The following RNF24 variants were observed in gnomAD, a reference collection of about 807,000 sequenced individuals.
RNF24 encodes the protein ring finger protein 24.
In RNF24, 14 loss-of-function variants were observed where a neutral mutation model predicts 20.0. The observed-to-expected ratio is 0.70, with a 90% CI of 0.46 to 1.10. The LOEUF is 1.10. Ranked by LOEUF, RNF24 falls within the 50% of genes least tolerant of loss-of-function variation. The pLI, the probability that RNF24 is intolerant of heterozygous loss-of-function variation, is 0.00. For missense variants in RNF24, 124 were observed against 177.6 expected (o/e 0.70, Z 1.71); for synonymous variants, 45 against 61.1 (o/e 0.74, Z 1.23).
intron 1 of RNF24, among the ~76,000 whole-genome samples, chr20:3,983,822 TC>T (rs1979636575): frequency 1.3e-5 from 2 of 150,146 alleles, no homozygotes; most frequent in Non-Finnish European, 1.5e-5. Context: ...GCACCTGTAG[TC>T]CCAACTACTT....
At chr20:3,948,185 GT>G in intron 3 of RNF24, 51 bp downstream of exon 3, 1 of 1,384,810 alleles carries the variant, frequency 7.2e-7, no homozygotes, top group Non-Finnish European at 1.0e-6. Context: ...AGAGTTCTCA[GT>G]TTTTTGGGGG....
chr20:3,979,548 G>A (rs1979207736), intron 1 of RNF24, among the ~76,000 whole-genome samples: 1 of 152,076 alleles, frequency 6.6e-6, no homozygotes, highest in Non-Finnish European at 1.5e-5. Flanking sequence ...GGTGGTGGGT[G>A]CCTGTAATCT....
At chr20:3,989,140 G>T (rs567327253) in intron 1 of RNF24, among the ~76,000 whole-genome samples, 1 of 152,204 alleles carries the variant, frequency 6.6e-6, no homozygotes, top group East Asian at 1.9e-4. Flanking sequence ...TGGTAAAAAG[G>T]CTAATTCTAG....
chr20:3,975,261 T>C (rs1043089437), intron 1 of RNF24, among the ~76,000 whole-genome samples: 3 of 152,074 alleles, frequency 2.0e-5, no homozygotes, highest in Non-Finnish European at 2.9e-5. Flanking sequence ...CAACTCAAAG[T>C]GGATCATGAA....
At chr20:4,014,131 C>T (rs1982683125) in intron 1 of RNF24, among the ~76,000 whole-genome samples, 1 of 152,214 alleles carries the variant, frequency 6.6e-6, no homozygotes, top group Admixed American at 6.5e-5. Context: ...GTTCTGTTTT[C>T]CAGTAGTCCT....
At chr20:3,961,965 A>G (rs1464889330) in intron 2 of RNF24, among the ~76,000 whole-genome samples, 1 of 152,188 alleles carries the variant, frequency 6.6e-6, no homozygotes, top group Non-Finnish European at 1.5e-5. Flanking sequence ...ATTATATTGG[A>G]ATTGCAGTAA....
At chr20:3,984,907 A>G (rs912728115) in intron 1 of RNF24, among the ~76,000 whole-genome samples, 1 of 152,146 alleles carries the variant, frequency 6.6e-6, no homozygotes, top group African/African-American at 2.4e-5. Flanking sequence ...AAATCTGGAA[A>G]TAAGTAACTC....
At chr20:3,988,376 C>T (rs764140260) in intron 1 of RNF24, among the ~76,000 whole-genome samples, 8 of 150,728 alleles carry the variant, frequency 5.3e-5, no homozygotes, top group Non-Finnish European at 1.0e-4. Context: ...TGTCCAGTAA[C>T]TGGAATAAAC....
rs1370334189 is a variant in RNF24, at chr20:3,932,137, A to AT, written c.*1925dup. 4 of 152,194 alleles carry AT rather than the reference A, an allele frequency of 2.6e-5. No individual in the cohort carries two copies. The highest frequency in any genetic ancestry group is 9.7e-5 in the African/African-American group (4 of 41,422). The allele number at this position is 152,194 out of a possible 1,614,324, so 9.4% of individuals were successfully genotyped here. The stretch of plus-strand genomic sequence containing the variant: ...CTGTCCCAAGGCCATTCCATGGAAA[A>AT]TGGTGGCTGCTGGCAATTAGTGAGG... On this transcript the variant is annotated 3_prime_UTR_variant, in exon 6 of 6. Transcript: ENST00000358395.
In RNF24 at chr20:3,932,697, C is replaced by T. The variant is rs1384491011; in HGVS notation, c.*1366G>A. ...ACCTGTGGGATGGAGTGGAGCAAAG[C>T]AGTTGACGAGGAATTGAGGCAGGCG... is the stretch of plus-strand genomic sequence containing the variant. On this transcript the variant is annotated 3_prime_UTR_variant, in exon 6 of 6. Transcript: ENST00000358395. 1.0e-5 allele frequency: 4 copies of T among 386,334 alleles called. No homozygotes were observed. Among genetic ancestry groups the T allele is most frequent in the African/African-American group, 6.2e-5 (3 of 48,420 alleles). 23.9% of individuals were successfully genotyped at this position (386,334 alleles called of 1,614,324 possible).
chr20:3,975,642 G>A (rs1978802599), intron 1 of RNF24, among the ~76,000 whole-genome samples: 1 of 152,148 alleles, frequency 6.6e-6, no homozygotes, highest in East Asian at 1.9e-4. Context: ...TTGAAAATAG[G>A]TTTGTTGAAG....
At chr20:3,978,318 G>A (rs1300061374) in intron 1 of RNF24, among the ~76,000 whole-genome samples, 1 of 151,960 alleles carries the variant, frequency 6.6e-6, no homozygotes, top group Non-Finnish European at 1.5e-5. Context: ...TTACAGACAT[G>A]AGCCACCACG....
At chr20:3,941,113 C>T (rs1164564496) in intron 4 of RNF24, among the ~76,000 whole-genome samples, 2 of 152,140 alleles carry the variant, frequency 1.3e-5, no homozygotes, top group African/African-American at 2.4e-5. Flanking sequence ...ACTGTAGCGT[C>T]GACCTCCCAG....
At chr20:3,998,574 CAAAAAAAAAAA>C (rs34012774) in intron 1 of RNF24, among the ~76,000 whole-genome samples, 4 of 31,340 alleles carry the variant, frequency 1.3e-4, no homozygotes, top group Non-Finnish European at 1.5e-4. Context: ...GACTCTATCT[CAAAAAAAAAAA>C]AAAAAAAAAA....
chr20:3,991,942 A>G (rs35519866), intron 1 of RNF24, among the ~76,000 whole-genome samples: 25,276 of 124,218 alleles, frequency 0.2, 2,353 homozygotes, highest in South Asian at 0.29. Context: ...ACACACACGC[A>G]CACACACACA....
At chr20:3,941,413 C>A (rs2090954010) in intron 4 of RNF24, among the ~76,000 whole-genome samples, 1 of 152,134 alleles carries the variant, frequency 6.6e-6, no homozygotes, top group Admixed American at 6.5e-5. Context: ...TCTCTACAAT[C>A]CAACTAGAGT....
At position 3,929,775 on chromosome 20, in the gene RNF24, G is replaced by A. The variant is rs1243641618; in HGVS notation, c.*4288C>T. 6.6e-6 allele frequency: 1 copy of A among 152,266 alleles called. No individual in the cohort carries two copies. The highest frequency in any genetic ancestry group is 2.4e-5 in the African/African-American group (1 of 41,472). The allele number at this position is 152,266 out of a possible 1,614,324, so 9.4% of individuals were successfully genotyped here. The stretch of plus-strand genomic sequence containing the variant: ...GAAAGTCAATCAGAAAAATCTGGTT[G>A]TGCTCTTGGATTAGCTGGGCATTTG... On this transcript the variant is annotated 3_prime_UTR_variant, in exon 6 of 6. Transcript: ENST00000358395.
At chr20:4,014,934 C>G (rs896196269) in intron 1 of RNF24, among the ~76,000 whole-genome samples, 1 of 152,228 alleles carries the variant, frequency 6.6e-6, no homozygotes, top group South Asian at 2.1e-4. Context: ...CAACGGGGCA[C>G]GAGACAAGCG....
intron 4 of RNF24, among the ~76,000 whole-genome samples, chr20:3,942,155 T>C (rs954774140): frequency 6.7e-6 from 1 of 149,948 alleles, no homozygotes; most frequent in Non-Finnish European, 1.5e-5. Flanking sequence ...GGAATGGCTA[T>C]ATTAATATCA....
Sources: gnomAD v4.1 joint callset for allele counts (sites outside exome capture counted in the v4.1 genomes callset) on GRCh38, gnomAD v4.1.1 for gene constraint, MANE v1.5 for transcripts, NCBI Gene and HGNC (gene_info 2026-07-23, HGNC 2026-07-21) for gene names.